The following STAU2 variants were observed in gnomAD, a reference collection of about 807,000 sequenced individuals.
STAU2 encodes the protein double-stranded RNA-binding protein Staufen homolog 2.
A neutral mutation model predicts 65.9 loss-of-function variants in STAU2; 20 were observed. The ratio of observed to expected loss-of-function variants is 0.30; its 90% CI spans 0.21 to 0.44. STAU2 has a LOEUF of 0.44. Ranked by LOEUF, STAU2 falls within the 20% of genes least tolerant of loss-of-function variation. The pLI is 1.00. For synonymous variants in STAU2, 232 were observed against 233.9 expected, an observed-to-expected ratio of 0.99 and a Z score of 0.07; for missense variants, 558 against 683.9, an observed-to-expected ratio of 0.82 and a Z score of 2.05.
At chr8:73,694,590 A>C (rs1819576353) in intron 4 of STAU2, among the ~76,000 whole-genome samples, 3 of 152,220 alleles carry the variant, frequency 2.0e-5, no homozygotes, top group Admixed American at 2.0e-4. Flanking sequence ...CCCCAGTGGA[A>C]CACCAAATTT....
intron 5 of STAU2, among the ~76,000 whole-genome samples, chr8:73,686,748 GATA>G (rs1818858133): frequency 1.3e-5 from 2 of 151,304 alleles, no homozygotes; most frequent in Admixed American, 1.3e-4. Flanking sequence ...AAAAAAAAAA[GATA>G]ATGACATATA....
intron 10 of STAU2, among the ~76,000 whole-genome samples, chr8:73,597,651 T>C (rs566495659): frequency 5.2e-4 from 59 of 114,234 alleles, no homozygotes; most frequent in African/African-American, 1.9e-3. Context: ...GCCTGGGCGA[T>C]AGAGTGAGTC....
chr8:73,527,459 C>A, intron 13 of STAU2: 2 of 361,064 alleles, frequency 5.5e-6, no homozygotes, highest in Non-Finnish European at 1.0e-5. Flanking sequence ...TAAAATAATT[C>A]CATATTTAAA....
At chr8:73,708,615 G>A (rs1328747401) in intron 4 of STAU2, among the ~76,000 whole-genome samples, 1 of 152,062 alleles carries the variant, frequency 6.6e-6, no homozygotes. Flanking sequence ...GTAACTGTTG[G>A]TATATTTACT....
chr8:73,666,002 T>C (rs1190607622), intron 6 of STAU2, among the ~76,000 whole-genome samples: 1 of 152,178 alleles, frequency 6.6e-6, no homozygotes, highest in Non-Finnish European at 1.5e-5. Context: ...TGTCTGTACA[T>C]GTTCAATACA....
chr8:73,580,008 T>A (rs1809866175), intron 12 of STAU2, among the ~76,000 whole-genome samples: 1 of 152,200 alleles, frequency 6.6e-6, no homozygotes, highest in African/African-American at 2.4e-5. Context: ...TTTGTCTACT[T>A]ATAGTTAGGT....
upstream of STAU2, chr8:73,747,371 G>T: frequency 6.5e-7 from 1 of 1,535,326 alleles, no homozygotes; most frequent in East Asian, 2.4e-5. Context: ...CCTGTGCTCT[G>T]ATTCCCCGCT....
chr8:73,605,695 GA>G (rs1223106021), intron 9 of STAU2, among the ~76,000 whole-genome samples: 6 of 148,456 alleles, frequency 4.0e-5, no homozygotes, highest in Admixed American at 2.7e-4. Context: ...AATTTTGGGG[GA>G]AAAAAAAAGA....
intron 13 of STAU2, among the ~76,000 whole-genome samples, chr8:73,460,751 T>C (rs1819312005): frequency 6.6e-6 from 1 of 152,218 alleles, no homozygotes; most frequent in South Asian, 2.1e-4. Context: ...CCAGACACTA[T>C]ACACAGCTTT....
intron 13 of STAU2, among the ~76,000 whole-genome samples, chr8:73,439,391 C>G (rs1406098925): frequency 6.6e-6 from 1 of 152,148 alleles, no homozygotes; most frequent in Non-Finnish European, 1.5e-5. Flanking sequence ...CCGAGGCGGG[C>G]AGATCACTTG....
At chr8:73,649,831 AT>A (rs1815700456) in intron 6 of STAU2, among the ~76,000 whole-genome samples, 1 of 128,140 alleles carries the variant, frequency 7.8e-6, no homozygotes. Flanking sequence ...TCTATATTTA[AT>A]TTTTTATAAG....
At chr8:73,569,063 G>C (rs563629058) in intron 12 of STAU2, among the ~76,000 whole-genome samples, 2 of 152,242 alleles carry the variant, frequency 1.3e-5, no homozygotes, top group East Asian at 3.9e-4. Flanking sequence ...TCCTAGACAA[G>C]GGAAGCTGTG....
intron 13 of STAU2, among the ~76,000 whole-genome samples, chr8:73,543,540 G>A (rs1185081761): frequency 6.6e-6 from 1 of 152,126 alleles, no homozygotes; most frequent in East Asian, 1.9e-4. Flanking sequence ...CCAAGCAACT[G>A]TTACATTAGG....
intron 13 of STAU2, among the ~76,000 whole-genome samples, chr8:73,497,571 C>A (rs886564336): frequency 6.6e-6 from 1 of 151,620 alleles, no homozygotes; most frequent in Non-Finnish European, 1.5e-5. Context: ...TATGAAGTAT[C>A]CCTCGGTAAT....
intron 13 of STAU2, among the ~76,000 whole-genome samples, chr8:73,439,567 G>T (rs377352326): frequency 4.6e-5 from 7 of 152,080 alleles, no homozygotes; most frequent in African/African-American, 1.7e-4. Context: ...GCAGTGACAG[G>T]GGTGGGAAAG....
chr8:73,722,309 G>GA (rs1042990024), intron 3 of STAU2, among the ~76,000 whole-genome samples: 1 of 151,904 alleles, frequency 6.6e-6, no homozygotes, highest in Non-Finnish European at 1.5e-5. Context: ...TAACTGATAA[G>GA]AAAAAAAATC....
chr8:73,457,826 G>T (rs1448964022), intron 13 of STAU2, among the ~76,000 whole-genome samples: 1 of 152,152 alleles, frequency 6.6e-6, no homozygotes, highest in Non-Finnish European at 1.5e-5. Context: ...AGAACTAATT[G>T]CCACCCTGGG....
At chr8:73,678,056 A>G (rs1439896458) in intron 5 of STAU2, among the ~76,000 whole-genome samples, 3 of 152,002 alleles carry the variant, frequency 2.0e-5, no homozygotes, top group Admixed American at 1.3e-4. Context: ...TCCAAATGCC[A>G]CTCTCAACAC....
Position 73,453,785 on chromosome 8 carries a change from T to TA in STAU2, c.1531-31084_1531-31083insT, listed in dbSNP as rs1296956238. ...TGGTAGTACAAATAACATCTTTTTTTTAAAAAAAAAAGATACAAAGCTACT... is the reference window on the plus strand; with the variant it reads ...TGGTAGTACAAATAACATCTTTTTTTATAAAAAAAAAAGATACAAAGCTACT... On this transcript the variant is annotated intron_variant, in intron 13 of 14. Transcript: ENST00000524300. Among the ~76,000 whole-genome samples, 138 of 150,888 alleles carry TA rather than the reference T, an allele frequency of 9.1e-4. 1 individual carries two copies. Among genetic ancestry groups the TA allele is most frequent in the Admixed American group, 2.1e-3 (32 of 15,136 alleles).
Sources: gnomAD v4.1 joint callset for allele counts (sites outside exome capture counted in the v4.1 genomes callset) on GRCh38, gnomAD v4.1.1 for gene constraint, MANE v1.5 for transcripts, NCBI Gene and HGNC (gene_info 2026-07-23, HGNC 2026-07-21) for gene names.